FAM53B: variants seen among roughly 807,000 people sequenced by gnomAD.
FAM53B encodes family with sequence similarity 53 member B, also known as protein FAM53B.
FAM53B carries 12 observed loss-of-function variants against 32.7 expected under a neutral mutation model. The observed-to-expected ratio is 0.37, with a 90% CI of 0.24 to 0.59. The LOEUF (loss-of-function observed/expected upper bound fraction) is 0.59. FAM53B is among the 20% of genes least tolerant of loss of function. The pLI is 0.72. For synonymous variants in FAM53B, 234 were observed against 228.7 expected (o/e 1.02, Z -0.21); for missense variants, 477 against 577.7 (o/e 0.83, Z 1.79).
intron 1 of FAM53B, among the ~76,000 whole-genome samples, chr10:124,720,243 T>C (rs939714404): frequency 6.6e-6 from 1 of 150,486 alleles, no homozygotes; most frequent in Non-Finnish European, 1.5e-5. Flanking sequence ...GGCATAGATA[T>C]GTTCTCAGAC....
chr10:124,625,335 G>T (rs184465198), intron 4 of FAM53B, among the ~76,000 whole-genome samples: 3 of 152,306 alleles, frequency 2.0e-5, no homozygotes, highest in Non-Finnish European at 4.4e-5. Flanking sequence ...TGAGGTGTTG[G>T]GGGGAGCTCT....
chr10:124,640,115 C>G (rs570193661), intron 4 of FAM53B, among the ~76,000 whole-genome samples: 1 of 152,346 alleles, frequency 6.6e-6, no homozygotes, highest in Non-Finnish European at 1.5e-5. Flanking sequence ...AACTACAAGG[C>G]TGAAAGCCCT....
At chr10:124,641,235 C>T (rs1949470273) in intron 4 of FAM53B, among the ~76,000 whole-genome samples, 2 of 152,248 alleles carry the variant, frequency 1.3e-5, no homozygotes, top group African/African-American at 2.4e-5. Context: ...GTTGGATTCA[C>T]TTCAACATGT....
chr10:124,665,770 T>C (rs186651249), intron 4 of FAM53B, among the ~76,000 whole-genome samples: 29 of 152,338 alleles, frequency 1.9e-4, no homozygotes, highest in African/African-American at 6.0e-4. Context: ...GTCCTCTCCA[T>C]TGCTGCATCC....
At chr10:124,734,804 C>A (rs963744551) in intron 1 of FAM53B, among the ~76,000 whole-genome samples, 1 of 152,220 alleles carries the variant, frequency 6.6e-6, no homozygotes, top group Non-Finnish European at 1.5e-5. Flanking sequence ...AGGATGCCAG[C>A]CAGCCCCAGA....
chr10:124,640,795 C>T (rs370129565), intron 4 of FAM53B, among the ~76,000 whole-genome samples: 10 of 152,176 alleles, frequency 6.6e-5, no homozygotes, highest in Non-Finnish European at 1.0e-4. Context: ...CGGGATCAGG[C>T]GCTGACCACC....
intron 4 of FAM53B, among the ~76,000 whole-genome samples, chr10:124,641,001 C>G (rs1182644112): frequency 6.6e-6 from 1 of 152,198 alleles, no homozygotes; most frequent in Non-Finnish European, 1.5e-5. Flanking sequence ...TGGAGCATAC[C>G]CCGCCTAGGT....
chr10:124,717,212 A>C (rs536223760), intron 1 of FAM53B, among the ~76,000 whole-genome samples: 1 of 152,184 alleles, frequency 6.6e-6, no homozygotes, highest in African/African-American at 2.4e-5. Flanking sequence ...TCATGAGTCA[A>C]ATAGGATGCT....
At chr10:124,657,652 T>C (rs1949602188) in intron 4 of FAM53B, among the ~76,000 whole-genome samples, 1 of 152,244 alleles carries the variant, frequency 6.6e-6, no homozygotes, top group Non-Finnish European at 1.5e-5. Context: ...TCAATGAATG[T>C]GAAACTGACA....
At chr10:124,623,684 T>C in intron 4 of FAM53B, 80 bp from the exon 5 acceptor site, 4 of 1,463,558 alleles carry the variant, frequency 2.7e-6, no homozygotes, top group East Asian at 2.3e-5. Context: ...ACAAAGCAAC[T>C]AGACCACCAG....
intron 1 of FAM53B, among the ~76,000 whole-genome samples, chr10:124,736,931 T>G (rs1014668304): frequency 1.3e-5 from 2 of 152,200 alleles, no homozygotes; most frequent in African/African-American, 4.8e-5. Context: ...TCTCCTCCCC[T>G]GGTGAGCACT....
chr10:124,630,323 A>G (rs985864877), intron 4 of FAM53B, among the ~76,000 whole-genome samples: 1 of 152,180 alleles, frequency 6.6e-6, no homozygotes, highest in Non-Finnish European at 1.5e-5. Context: ...CTGAGGTGGG[A>G]GGATCACTGA....
chr10:124,740,906 G>T (rs191005440), intron 1 of FAM53B, among the ~76,000 whole-genome samples: 71 of 152,308 alleles, frequency 4.7e-4, no homozygotes, highest in African/African-American at 1.3e-3. Context: ...CGCCAGCTCC[G>T]GCCATGTGCT....
At chr10:124,696,826 T>C (rs1481204931) in intron 2 of FAM53B, among the ~76,000 whole-genome samples, 2 of 152,222 alleles carry the variant, frequency 1.3e-5, no homozygotes, top group Non-Finnish European at 2.9e-5. Flanking sequence ...GGTCTCAACA[T>C]AACAGCTATG....
intron 3 of FAM53B, among the ~76,000 whole-genome samples, chr10:124,685,570 G>A (rs534571521): frequency 9.2e-5 from 14 of 152,380 alleles, no homozygotes; most frequent in African/African-American, 3.1e-4. Context: ...TGCTCACGGA[G>A]CCTGAGACAT....
At chr10:124,642,033 G>GT (rs1276491218) in intron 4 of FAM53B, among the ~76,000 whole-genome samples, 1 of 152,220 alleles carries the variant, frequency 6.6e-6, no homozygotes, top group Non-Finnish European at 1.5e-5. Context: ...AACAAATGGC[G>GT]TGCGTGCATA....
chr10:124,624,678 A>G (rs1457755449), intron 4 of FAM53B, among the ~76,000 whole-genome samples: 1 of 151,258 alleles, frequency 6.6e-6, no homozygotes, highest in East Asian at 1.9e-4. Context: ...CAGGATTTCA[A>G]GGGTACGCAG....
intron 1 of FAM53B, among the ~76,000 whole-genome samples, chr10:124,739,514 A>G (rs955062061): frequency 1.3e-5 from 2 of 152,240 alleles, no homozygotes; most frequent in Non-Finnish European, 2.9e-5. Context: ...GAACAAAAAG[A>G]GTGAGTGGAG....
chr10:124,732,891 T>C (rs1208772308), intron 1 of FAM53B, among the ~76,000 whole-genome samples: 3 of 152,128 alleles, frequency 2.0e-5, no homozygotes, highest in Non-Finnish European at 4.4e-5. Flanking sequence ...CTGTGGACTA[T>C]CACGTACTCT....
Sources: allele counts gnomAD v4.1 joint callset (sites outside exome capture counted in the v4.1 genomes callset), GRCh38; gene constraint gnomAD v4.1.1; transcripts MANE v1.5; gene names NCBI Gene and HGNC (gene_info 2026-07-23, HGNC 2026-07-21).